The following KLF12 variants were observed in gnomAD, a reference collection of about 807,000 sequenced individuals.
The protein encoded by KLF12 is KLF transcription factor 12, also known as Krueppel-like factor 12.
Under a neutral mutation model 37.8 loss-of-function variants are expected in KLF12, and 9 were observed. That is an observed-to-expected ratio of 0.24 (90% CI 0.14 to 0.42). The LOEUF is 0.42. Among genes scored for constraint, KLF12 ranks in the 10% least tolerant of loss-of-function variants. The probability of loss-of-function intolerance (pLI) is 1.00; values close to 1 mark genes in which losing one functional copy is unlikely to be tolerated. For missense variants in KLF12, 411 were observed against 516.0 expected (o/e 0.80, Z 1.97); for synonymous variants, 208 against 202.1 (o/e 1.03, Z -0.25).
rs114105664 is a variant in KLF12 at position 73,890,907 on chromosome 13, A to G, written c.124-44534T>C. ...CACTGGAGCCCTTGTGGTATTTTAAAGAATAAGGTATTGGCATTCTAAAAT... is the reference window on the plus strand; with the variant it reads ...CACTGGAGCCCTTGTGGTATTTTAAGGAATAAGGTATTGGCATTCTAAAAT... On this transcript the variant is annotated intron_variant, in intron 3 of 7. Transcript: ENST00000377669. Among the ~76,000 whole-genome samples the G allele has an allele frequency of 4.0e-3, 616 of 152,252 alleles. 6 individuals are homozygous for G. The highest frequency in any genetic ancestry group is 0.014 in the African/African-American group (573 of 41,568).
chr13:73,958,234 ATTTT>A (rs891981607), intron 2 of KLF12, among the ~76,000 whole-genome samples: 2 of 151,724 alleles, frequency 1.3e-5, no homozygotes, highest in African/African-American at 4.8e-5. Flanking sequence ...CACTGGGTTA[ATTTT>A]TTTTAACTTT....
intron 7 of KLF12, among the ~76,000 whole-genome samples, chr13:73,696,834 A>T (rs137988883): frequency 6.6e-6 from 1 of 152,304 alleles, no homozygotes; most frequent in Admixed American, 6.5e-5. Flanking sequence ...GAATGGATTA[A>T]TTCTTACCCC....
chr13:74,284,395 C>A, the KLF12 span, among the ~76,000 whole-genome samples: 3 of 152,114 alleles, frequency 2.0e-5, no homozygotes, highest in Non-Finnish European at 4.4e-5. Context: ...AGAATGTGAT[C>A]CTCAGCTACT....
chr13:74,150,348 C>A, the KLF12 span, among the ~76,000 whole-genome samples: 3 of 152,108 alleles, frequency 2.0e-5, no homozygotes, highest in African/African-American at 7.2e-5. Context: ...GTTCCAAGAC[C>A]CCCAGTGGGT....
chr13:74,169,607 G>A, the KLF12 span, among the ~76,000 whole-genome samples: 1 of 152,194 alleles, frequency 6.6e-6, no homozygotes, highest in East Asian at 1.9e-4. Context: ...TTAGAAATAA[G>A]CTACCACTCT....
At chr13:73,956,429 G>C (rs1566481358) in intron 2 of KLF12, among the ~76,000 whole-genome samples, 1 of 152,300 alleles carries the variant, frequency 6.6e-6, no homozygotes, top group Non-Finnish European at 1.5e-5. Flanking sequence ...AGTCTTTCTT[G>C]TCCGGGCTGT....
intron 1 of KLF12, among the ~76,000 whole-genome samples, chr13:74,115,426 C>T (rs1156583688): frequency 2.6e-5 from 4 of 152,098 alleles, no homozygotes; most frequent in Non-Finnish European, 5.9e-5. Flanking sequence ...TCTTTTCCAC[C>T]GGGCATGGTG....
chr13:73,868,131 G>A (rs1886274419), intron 3 of KLF12, among the ~76,000 whole-genome samples: 1 of 148,402 alleles, frequency 6.7e-6, no homozygotes, highest in African/African-American at 2.5e-5. Context: ...TGACCAACAT[G>A]GATAAACCCC....
intron 1 of KLF12, among the ~76,000 whole-genome samples, chr13:74,021,729 A>G (rs1179232101): frequency 6.6e-6 from 1 of 152,232 alleles, no homozygotes; most frequent in Non-Finnish European, 1.5e-5. Context: ...GTTCCAAAGG[A>G]CAAATCTCAC....
At chr13:73,801,348 A>C in intron 5 of KLF12, 1 of 152,098 alleles carries the variant, frequency 6.6e-6, no homozygotes, top group East Asian at 1.9e-4. Context: ...CATCCTGGTG[A>C]ACTGAGTTAA....
At chr13:74,080,589 G>A (rs966333112) in intron 1 of KLF12, among the ~76,000 whole-genome samples, 14 of 151,624 alleles carry the variant, frequency 9.2e-5, no homozygotes, top group African/African-American at 2.7e-4. Context: ...CCCATCCCAA[G>A]CCTACTGGCT....
chr13:74,210,459 TAA>T, the KLF12 span, among the ~76,000 whole-genome samples: 1 of 152,186 alleles, frequency 6.6e-6, no homozygotes, highest in Non-Finnish European at 1.5e-5. Context: ...AAATCTACAT[TAA>T]GTCACTGGTT....
chr13:74,067,848 G>A (rs1403625185), intron 1 of KLF12, among the ~76,000 whole-genome samples: 1 of 152,176 alleles, frequency 6.6e-6, no homozygotes, highest in Non-Finnish European at 1.5e-5. Flanking sequence ...GGGTATACAG[G>A]AAAGTAGGCA....
chr13:73,698,423 A>G (rs1486650574), intron 7 of KLF12, among the ~76,000 whole-genome samples: 3 of 152,130 alleles, frequency 2.0e-5, no homozygotes, highest in African/African-American at 7.2e-5. Flanking sequence ...TGTACTTCCA[A>G]TTGAGTCACT....
rs1387653866 is a variant in KLF12 at position 73,918,228 on chromosome 13, T to C, written c.123+25753A>G. Among the ~76,000 whole-genome samples the C allele has an allele frequency of 2.6e-5, 4 of 152,294 alleles. No homozygotes were observed. In the East Asian group the frequency reaches 7.7e-4, roughly 29 times the overall value. ...AATGCAGACTTGGCAAACACAATTA[T>C]AAGTAAAACTTAAAACATACTTTTT... On this transcript the variant is annotated intron_variant, in intron 3 of 7. Transcript: ENST00000377669.
At chr13:74,154,022 T>G in the KLF12 span, among the ~76,000 whole-genome samples, 1 of 150,744 alleles carries the variant, frequency 6.6e-6, no homozygotes, top group African/African-American at 2.4e-5. Flanking sequence ...GGTCAGGAGA[T>G]CAAGACCATC....
At chr13:73,723,299 A>T (rs926860251) in intron 6 of KLF12, among the ~76,000 whole-genome samples, 7 of 152,200 alleles carry the variant, frequency 4.6e-5, no homozygotes, top group Admixed American at 3.9e-4. Context: ...ATCCCATGAG[A>T]TCAATTAATA....
intron 4 of KLF12, among the ~76,000 whole-genome samples, chr13:73,815,225 T>C (rs1357597375): frequency 2.6e-5 from 4 of 152,178 alleles, no homozygotes; most frequent in African/African-American, 9.7e-5. Context: ...TTGGAGAAAC[T>C]GTAGGGCAAA....
At chr13:73,898,643 T>C (rs1594227675) in intron 3 of KLF12, among the ~76,000 whole-genome samples, 1 of 151,874 alleles carries the variant, frequency 6.6e-6, no homozygotes, top group East Asian at 1.9e-4. Flanking sequence ...GGAAAGGAGG[T>C]GGACAAGGAG....
Sources: allele counts gnomAD v4.1 joint callset (sites outside exome capture counted in the v4.1 genomes callset), GRCh38; gene constraint gnomAD v4.1.1; transcripts MANE v1.5; gene names NCBI Gene and HGNC (gene_info 2026-07-23, HGNC 2026-07-21).